Variants in MAGI1 observed in about 807,000 individuals in gnomAD.
MAGI1 encodes membrane associated guanylate kinase, WW and PDZ domain containing 1, also known as membrane-associated guanylate kinase, WW and PDZ domain-containing protein 1.
Under a neutral mutation model 139.9 loss-of-function variants are expected in MAGI1, and 58 were observed. The observed-to-expected ratio is 0.41, with a 90% CI of 0.34 to 0.52. MAGI1 has a LOEUF of 0.52. MAGI1 is among the 20% of genes least tolerant of loss of function. The pLI is 0.12. For missense variants in MAGI1, 1,874 were observed against 1,901.6 expected (o/e 0.99, Z 0.27); for synonymous variants, 812 against 737.9 (o/e 1.10, Z -1.63).
intron 1 of MAGI1, among the ~76,000 whole-genome samples, chr3:65,722,883 T>C (rs906283524): frequency 1.3e-5 from 2 of 148,344 alleles, no homozygotes; most frequent in Admixed American, 6.8e-5. Flanking sequence ...TGAATACTTG[T>C]GGGGGTAGGG....
intron 1 of MAGI1, among the ~76,000 whole-genome samples, chr3:65,841,459 T>G (rs58531759): frequency 0.048 from 7,296 of 151,832 alleles, 305 homozygotes; most frequent in African/African-American, 0.11. Context: ...TTTTGTTTTT[T>G]TTTTGAGATG....
rs72900205 is a variant in MAGI1, at chr3:65,703,128, T to C, written c.314-81040A>G. On this transcript the variant is annotated intron_variant, in intron 1 of 22. Transcript: ENST00000402939. The stretch of plus-strand genomic sequence containing the variant: ...TTTGGCCTTCAAGGCATGATGCGCA[T>C]CTCTCTACTGTTTTGGCAGGGGGTG... 3.0e-3 allele frequency among the ~76,000 whole-genome samples: 463 copies of C among 152,242 alleles called. 4 individuals are homozygous for C. Among genetic ancestry groups the C allele is most frequent in the African/African-American group, 0.011 (447 of 41,568 alleles).
intron 3 of MAGI1, among the ~76,000 whole-genome samples, chr3:65,484,041 G>A (rs1282285667): frequency 6.6e-6 from 1 of 152,098 alleles, no homozygotes; most frequent in East Asian, 1.9e-4. Flanking sequence ...TGCCAGGCAT[G>A]GGAAATACAA....
chr3:65,599,180 TG>T (rs1051812408), intron 2 of MAGI1, among the ~76,000 whole-genome samples: 3 of 151,808 alleles, frequency 2.0e-5, no homozygotes, highest in Admixed American at 2.0e-4. Context: ...TGGGGTATGT[TG>T]GGGGAGGCAA....
At position 65,425,887 on chromosome 3, in the gene MAGI1, C is replaced by T. The variant is rs538105610; in HGVS notation, c.2167+3633G>A. On this transcript the variant is annotated intron_variant, in intron 12 of 22. Coordinates refer to ENST00000402939, the MANE Select transcript of MAGI1 (RefSeq NM_001033057.2). ...GTAAAAAATCCTTATGGGACAAGTTCGATAGCTTTTACAAATTAAAAATAA... is the reference window on the plus strand; with the variant it reads ...GTAAAAAATCCTTATGGGACAAGTTTGATAGCTTTTACAAATTAAAAATAA... 1.2e-4 allele frequency among the ~76,000 whole-genome samples: 18 copies of T among 152,188 alleles called. No individual in the cohort carries two copies. In the South Asian group the frequency reaches 1.5e-3, roughly 12 times the overall value.
At chr3:65,809,581 A>G (rs2041088622) in intron 1 of MAGI1, among the ~76,000 whole-genome samples, 1 of 152,194 alleles carries the variant, frequency 6.6e-6, no homozygotes, top group Non-Finnish European at 1.5e-5. Flanking sequence ...GAAATCCTGA[A>G]CAATCAAAAA....
Position 65,694,490 on chromosome 3 carries a change from C to A in MAGI1, c.314-72402G>T, listed in dbSNP as rs116007557. ...TCACCACCACCCGGGGTTCAACCTT[C>A]TAAGGAGGATTTCTTCAACTCCATT... On this transcript the variant is annotated intron_variant, in intron 1 of 22. Coordinates refer to ENST00000402939, the MANE Select transcript of MAGI1 (RefSeq NM_001033057.2). 7.2e-3 allele frequency among the ~76,000 whole-genome samples: 1,101 copies of A among 152,312 alleles called. 20 individuals carry two copies. Among genetic ancestry groups the A allele is most frequent in the African/African-American group, 0.025 (1,057 of 41,566 alleles).
intron 2 of MAGI1, among the ~76,000 whole-genome samples, chr3:65,607,820 G>A (rs1434530927): frequency 1.3e-5 from 2 of 152,010 alleles, no homozygotes; most frequent in Admixed American, 6.6e-5. Context: ...GGCTTACTGC[G>A]TATTATGCAT....
chr3:65,910,510 C>T (rs779340637), intron 1 of MAGI1, among the ~76,000 whole-genome samples: 1 of 152,142 alleles, frequency 6.6e-6, no homozygotes, highest in Non-Finnish European at 1.5e-5. Flanking sequence ...TGTTTACATA[C>T]TAATCGAAGT....
At chr3:65,783,329 C>T (rs1458865512) in intron 1 of MAGI1, among the ~76,000 whole-genome samples, 1 of 152,196 alleles carries the variant, frequency 6.6e-6, no homozygotes, top group Non-Finnish European at 1.5e-5. Context: ...CACCGCTTCA[C>T]ACCCACTAGG....
chr3:65,693,612 G>T (rs2088873300), intron 1 of MAGI1, among the ~76,000 whole-genome samples: 1 of 152,166 alleles, frequency 6.6e-6, no homozygotes, highest in Admixed American at 6.5e-5. Context: ...AGGAATCCAG[G>T]TTAGCCTCTT....
intron 2 of MAGI1, among the ~76,000 whole-genome samples, chr3:65,550,891 G>A (rs1449038957): frequency 2.0e-5 from 3 of 152,106 alleles, no homozygotes; most frequent in Admixed American, 2.0e-4. Flanking sequence ...GGATTGCATG[G>A]GCCTAGGAGT....
intron 1 of MAGI1, among the ~76,000 whole-genome samples, chr3:65,666,755 C>T (rs1212783069): frequency 6.6e-6 from 1 of 152,208 alleles, no homozygotes; most frequent in African/African-American, 2.4e-5. Context: ...GCCATCTCCA[C>T]ATTCTGATGA....
chr3:65,637,284 G>A (rs917868258), intron 1 of MAGI1, among the ~76,000 whole-genome samples: 3 of 152,056 alleles, frequency 2.0e-5, no homozygotes, highest in Non-Finnish European at 4.4e-5. Context: ...TGGGCATGGT[G>A]GCTCCTGCCT....
intron 18 of MAGI1, among the ~76,000 whole-genome samples, chr3:65,374,384 C>G (rs1942299267): frequency 7.8e-6 from 1 of 127,394 alleles, no homozygotes. Context: ...GTGGCGCAAT[C>G]TCGGCTCACT....
rs2081939477 is a variant in MAGI1 at position 65,590,940 on chromosome 3, A to C, written c.430+31032T>G. Among the ~76,000 whole-genome samples the C allele has an allele frequency of 2.0e-5, 3 of 152,250 alleles. No homozygotes were observed. In the South Asian group the frequency reaches 6.2e-4, roughly 32 times the overall value. On this transcript the variant is annotated intron_variant, in intron 2 of 22. Transcript: ENST00000402939. ...AGAATGTAAATTATATAATTCTTTT[A>C]GTGGAACAATTTGGGAGTTTTTCAA...
chr3:65,815,054 CAG>C (rs1260488273), intron 1 of MAGI1, among the ~76,000 whole-genome samples: 6 of 152,154 alleles, frequency 3.9e-5, no homozygotes, highest in Non-Finnish European at 8.8e-5. Context: ...CTGCCTCGTA[CAG>C]TTCCCCACCA....
chr3:65,656,181 G>A (rs376139627), intron 1 of MAGI1, among the ~76,000 whole-genome samples: 6 of 151,996 alleles, frequency 3.9e-5, no homozygotes, highest in East Asian at 1.9e-4. Context: ...AAATTCCCTC[G>A]ATATCACCAA....
chr3:65,914,726 A>G (rs1301863378), intron 1 of MAGI1, among the ~76,000 whole-genome samples: 1 of 152,242 alleles, frequency 6.6e-6, no homozygotes, highest in African/African-American at 2.4e-5. Flanking sequence ...GAACAGTATC[A>G]ACCCAAATGT....
Sources: gnomAD v4.1 joint callset for allele counts (sites outside exome capture counted in the v4.1 genomes callset) on GRCh38, gnomAD v4.1.1 for gene constraint, MANE v1.5 for transcripts, NCBI Gene and HGNC (gene_info 2026-07-23, HGNC 2026-07-21) for gene names.